TRPC4AP: variants seen among roughly 807,000 people sequenced by gnomAD.
The protein encoded by TRPC4AP is short transient receptor potential channel 4-associated protein.
In TRPC4AP, 45 loss-of-function variants were observed where a neutral mutation model predicts 99.0. The ratio of observed to expected loss-of-function variants is 0.45; its 90% confidence interval spans 0.36 to 0.58. The LOEUF is 0.58. Ranked by LOEUF, TRPC4AP falls within the 20% of genes least tolerant of loss-of-function variation. The pLI is 0.00. For missense variants in TRPC4AP, 879 were observed against 985.3 expected, an observed-to-expected ratio of 0.89 and a Z score of 1.44; for synonymous variants, 408 against 385.8, an observed-to-expected ratio of 1.06 and a Z score of -0.67.
chr20:35,073,391 T>G (rs919181033), intron 2 of TRPC4AP, among the ~76,000 whole-genome samples: 5 of 152,184 alleles, frequency 3.3e-5, no homozygotes, highest in African/African-American at 1.2e-4. Context: ...TTTTGCCCAT[T>G]CAGTATGATA....
intron 8 of TRPC4AP, among the ~76,000 whole-genome samples, chr20:35,034,721 T>C (rs551126745): frequency 6.6e-6 from 1 of 152,252 alleles, no homozygotes; most frequent in African/African-American, 2.4e-5. Flanking sequence ...TCTTATTTAA[T>C]AGGCAGTCTT....
chr20:35,021,148 G>T (rs769344905), intron 9 of TRPC4AP, 42 bp downstream of exon 9: 1 of 1,592,806 alleles, frequency 6.3e-7, no homozygotes, highest in Non-Finnish European at 8.6e-7. Context: ...CACCCGGGCA[G>T]CACCTGCTCC....
At chr20:35,005,837 GCTGCTGGC>G in intron 15 of TRPC4AP, 34 bp from the exon 16 acceptor site, 1 of 1,592,528 alleles carries the variant, frequency 6.3e-7, no homozygotes, top group Non-Finnish European at 8.6e-7. Context: ...CAGGCAGTGG[GCTGCTGGC>G]CAGGTATGGC....
chr20:35,082,624 C>T (rs1364172996), intron 1 of TRPC4AP, among the ~76,000 whole-genome samples: 1 of 152,194 alleles, frequency 6.6e-6, no homozygotes, highest in East Asian at 1.9e-4. Context: ...AAACTGCAGG[C>T]CAGTTTCACT....
chr20:35,052,102 T>G (rs1431216451), intron 5 of TRPC4AP, among the ~76,000 whole-genome samples: 1 of 151,374 alleles, frequency 6.6e-6, no homozygotes, highest in Non-Finnish European at 1.5e-5. Flanking sequence ...TTTTTGGTTT[T>G]TTTTTTTTTT....
At chr20:35,003,720 C>T in intron 17 of TRPC4AP, 104 bp from the exon 18 acceptor site, 11 of 1,255,232 alleles carry the variant, frequency 8.8e-6, no homozygotes, top group Admixed American at 2.2e-5. Flanking sequence ...CCCCAGGCCT[C>T]GGGCCACCCA....
rs187908821 is a variant in TRPC4AP at position 35,068,733 on chromosome 20, G to T, written c.414+563C>A. ...GACAGGGTTTCACCATCTTGGACAG[G>T]TTGGTCTCGAACTCCTGACCTCACG... On this transcript the variant is annotated intron_variant, in intron 3 of 18. Transcript: ENST00000252015. 4.6e-5 allele frequency among the ~76,000 whole-genome samples: 7 copies of T among 151,974 alleles called. No homozygotes were observed. In the East Asian group the frequency reaches 1.3e-3, roughly 29 times the overall value.
Position 35,003,501 on chromosome 20 carries a change from G to T in TRPC4AP, c.2165C>A (p.Pro722His). 6.2e-7 allele frequency: 1 copy of T among 1,614,050 alleles called. No homozygotes were observed. Among genetic ancestry groups the T allele is most frequent in the South Asian group, 1.1e-5 (1 of 91,082 alleles). ...LQRMEHSKKYPGFLLNNFHNL... is the reference protein window; with the variant it reads ...LQRMEHSKKYHGFLLNNFHNL... ...GTGGAAGTTGTTGAGCAGGAAGCCG[G>T]GGTACTTCTTGCTGTGCTCCATCCG... Residue 722 changes from proline to histidine, a missense_variant, in exon 18 of 19, where the codon CCC becomes CAC. By Grantham distance (77) the Pro-to-His change is moderately conservative. Coordinates refer to ENST00000252015, the MANE Select transcript of TRPC4AP (RefSeq NM_015638.3).
intron 6 of TRPC4AP, 47 bp from the exon 7 acceptor site, chr20:35,044,759 G>C: frequency 6.3e-7 from 1 of 1,582,292 alleles, no homozygotes; most frequent in Non-Finnish European, 8.7e-7. Flanking sequence ...ATTCACTCAA[G>C]AGATTGGATG....
At chr20:35,007,434 G>T in intron 14 of TRPC4AP, 116 bp downstream of exon 14, 1 of 1,073,120 alleles carries the variant, frequency 9.3e-7, no homozygotes, top group Non-Finnish European at 1.4e-6. Context: ...ACAGGCATTT[G>T]GAAGTCACGA....
Position 35,078,029 on chromosome 20 carries a change from A to G in TRPC4AP, c.297+17T>C. On this transcript the variant is annotated intron_variant, in intron 2 of 18. Transcript: ENST00000252015. Reference sequence around the variant, plus strand: ...TAGAGGCCCTGAATACGCCCCTCCAAGGTCCTTAAGAGTTACCTTGAGGAT... The same window carrying G: ...TAGAGGCCCTGAATACGCCCCTCCAGGGTCCTTAAGAGTTACCTTGAGGAT... 6.3e-7 allele frequency: 1 copy of G among 1,599,466 alleles called. No homozygotes were observed. Among genetic ancestry groups the G allele is most frequent in the Non-Finnish European group, 8.5e-7 (1 of 1,169,910 alleles).
intron 3 of TRPC4AP, among the ~76,000 whole-genome samples, chr20:35,065,552 C>T (rs1048803336): frequency 2.0e-5 from 3 of 152,194 alleles, no homozygotes; most frequent in Admixed American, 6.5e-5. Flanking sequence ...AAATAACAAG[C>T]TGTTTGGAAA....
chr20:35,082,629 T>A (rs2084676917), intron 1 of TRPC4AP, among the ~76,000 whole-genome samples: 1 of 152,178 alleles, frequency 6.6e-6, no homozygotes, highest in Non-Finnish European at 1.5e-5. Flanking sequence ...GCAGGCCAGT[T>A]TCACTAACGA....
At chr20:35,046,518 C>A (rs745819828) in intron 6 of TRPC4AP, among the ~76,000 whole-genome samples, 1 of 152,158 alleles carries the variant, frequency 6.6e-6, no homozygotes, top group Non-Finnish European at 1.5e-5. Context: ...TTGATGAAGG[C>A]ATATATCCTA....
At chr20:35,086,904 A>G (rs1248563158) in intron 1 of TRPC4AP, among the ~76,000 whole-genome samples, 1 of 151,670 alleles carries the variant, frequency 6.6e-6, no homozygotes, top group Non-Finnish European at 1.5e-5. Context: ...ATGGTGGCAC[A>G]TGCCTATAGT....
At position 35,092,710 on chromosome 20, in the gene TRPC4AP, A is replaced by G; in HGVS notation, c.72T>C (p.Ala24=). 2 of 1,555,158 alleles carry G rather than the reference A, an allele frequency of 1.3e-6. No individual in the cohort carries two copies. The highest frequency in any genetic ancestry group is 1.7e-6 in the Non-Finnish European group (2 of 1,161,706). Reference sequence around the variant, plus strand: ...GCGGCCGGCCGCCCCATCCGCCCCAAGCCGCCACTGTGGCTGCCGACCGTC... The same window carrying G: ...GCGGCCGGCCGCCCCATCCGCCCCAGGCCGCCACTGTGGCTGCCGACCGTC... ...RGRRSAATVA[A]WGGWGGRPRP... The change falls in exon 1 of 19, where the codon GCT becomes GCC. Residue 24 remains alanine, a synonymous_variant. Coordinates refer to ENST00000252015, the MANE Select transcript of TRPC4AP (RefSeq NM_015638.3).
chr20:35,022,700 C>A (rs1207304430), intron 8 of TRPC4AP, among the ~76,000 whole-genome samples: 1 of 152,056 alleles, frequency 6.6e-6, no homozygotes, highest in African/African-American at 2.4e-5. Context: ...CACAGTGATA[C>A]TCTTTAAAGT....
chr20:35,005,888 A>T, intron 15 of TRPC4AP, 85 bp from the exon 16 acceptor site: 1 of 1,196,974 alleles, frequency 8.4e-7, no homozygotes, highest in Non-Finnish European at 1.2e-6. Flanking sequence ...TACAAGGGGC[A>T]TCAGCGACCT....
chr20:35,087,077 C>A (rs1426666923), intron 1 of TRPC4AP, among the ~76,000 whole-genome samples: 1 of 150,372 alleles, frequency 6.7e-6, no homozygotes, highest in Non-Finnish European at 1.5e-5. Flanking sequence ...CACCTGTAAT[C>A]CCAGCACCTT....
Sources: gnomAD v4.1 joint callset for allele counts (sites outside exome capture counted in the v4.1 genomes callset) on GRCh38, gnomAD v4.1.1 for gene constraint, MANE v1.5 for transcripts, NCBI Gene and HGNC (gene_info 2026-07-23, HGNC 2026-07-21) for gene names.